The following RAB27A variants were observed in gnomAD, a reference collection of about 807,000 sequenced individuals.
The protein encoded by RAB27A is RAB27A, member RAS oncogene family.
In RAB27A, 17 loss-of-function variants were observed where a neutral mutation model predicts 20.8. That is an observed-to-expected ratio of 0.82 (90% CI 0.56 to 1.23). RAB27A has a LOEUF of 1.23. RAB27A is among the 50% of genes most tolerant of loss of function. The pLI is 0.00. For synonymous variants in RAB27A, 85 were observed against 92.8 expected (o/e 0.92, Z 0.48); for missense variants, 277 against 266.7 (o/e 1.04, Z -0.27).
intron 6 of RAB27A, among the ~76,000 whole-genome samples, chr15:55,206,924 C>T (rs968083569): frequency 6.6e-6 from 1 of 152,094 alleles, no homozygotes; most frequent in Admixed American, 6.6e-5. Context: ...TTTCATATAA[C>T]TTGCAAACGG....
At chr15:55,239,460 T>G (rs1019572751) in intron 2 of RAB27A, among the ~76,000 whole-genome samples, 1 of 152,154 alleles carries the variant, frequency 6.6e-6, no homozygotes, top group East Asian at 1.9e-4. Context: ...ATCCAAAAAT[T>G]TATCTCCACC....
Position 55,237,978 on chromosome 15 carries a change from T to C in RAB27A, c.-22-3022A>G, listed in dbSNP as rs915023647. 3 of 152,204 alleles carry C rather than the reference T, an allele frequency of 2.0e-5. No homozygotes were observed. In the East Asian group the frequency reaches 5.8e-4, roughly 29 times the overall value. 9.4% of individuals were successfully genotyped at this position (152,204 alleles called of 1,614,324 possible). A position where few individuals can be genotyped will look rare whatever the true frequency, so the allele number is the denominator to read the frequency against. On this transcript the variant is annotated intron_variant, in intron 2 of 6. Transcript: ENST00000336787. ...TTTCATTTCCATGGGTAATCACACA[T>C]GTAAGTCTACAAATGATCTTCGTGA...
intron 6 of RAB27A, among the ~76,000 whole-genome samples, chr15:55,210,426 GA>G (rs1200424713): frequency 1.4e-3 from 137 of 99,194 alleles, no homozygotes; most frequent in East Asian, 0.012. Flanking sequence ...TTTTTTTTTT[GA>G]GGGGGGGGGA....
chr15:55,271,205 T>A (rs1897695779), intron 1 of RAB27A, among the ~76,000 whole-genome samples: 1 of 152,160 alleles, frequency 6.6e-6, no homozygotes, highest in South Asian at 2.1e-4. Context: ...ATCTCCACAA[T>A]AAAATCCCTG....
intron 2 of RAB27A, among the ~76,000 whole-genome samples, chr15:55,257,890 G>A (rs1217786643): frequency 1.3e-5 from 2 of 152,064 alleles, no homozygotes; most frequent in Non-Finnish European, 2.9e-5. Context: ...CTACTCAGGA[G>A]GCTAAGGCAT....
chr15:55,214,861 C>T (rs1050412216), intron 6 of RAB27A, among the ~76,000 whole-genome samples: 6 of 151,962 alleles, frequency 3.9e-5, no homozygotes, highest in African/African-American at 1.5e-4. Flanking sequence ...GCTTGTGATG[C>T]CATTGTTACA....
chr15:55,241,137 G>A (rs1595706751), intron 2 of RAB27A, among the ~76,000 whole-genome samples: 1 of 152,240 alleles, frequency 6.6e-6, no homozygotes, highest in Non-Finnish European at 1.5e-5. Flanking sequence ...AGAAGTATAA[G>A]AAAGTACATT....
intron 2 of RAB27A, among the ~76,000 whole-genome samples, chr15:55,250,870 TA>T (rs1896863089): frequency 6.6e-6 from 1 of 152,152 alleles, no homozygotes; most frequent in Non-Finnish European, 1.5e-5. Flanking sequence ...TCTTTAGCAA[TA>T]AAACTGTTTC....
At chr15:55,301,160 C>T (rs1011525057) in intron 2 of RAB27A, among the ~76,000 whole-genome samples, 4 of 152,088 alleles carry the variant, frequency 2.6e-5, no homozygotes, top group African/African-American at 9.7e-5. Flanking sequence ...TCTAACAGGA[C>T]CCACTTTGCA....
At chr15:55,232,845 G>C (rs996270442) in intron 3 of RAB27A, among the ~76,000 whole-genome samples, 25 of 152,158 alleles carry the variant, frequency 1.6e-4, no homozygotes, top group Non-Finnish European at 2.9e-4. Flanking sequence ...CTGCAGGCTG[G>C]GAGTGATAGC....
intron 6 of RAB27A, among the ~76,000 whole-genome samples, chr15:55,218,695 A>G (rs956360175): frequency 1.3e-5 from 2 of 151,986 alleles, no homozygotes; most frequent in Non-Finnish European, 2.9e-5. Context: ...ATTTCTTTGC[A>G]CAGTACACAA....
intron 5 of RAB27A, among the ~76,000 whole-genome samples, chr15:55,224,774 A>C (rs113553802): frequency 0.017 from 2,584 of 152,344 alleles, 78 homozygotes; most frequent in African/African-American, 0.059. Flanking sequence ...CACACCCCAG[A>C]ATAAAATTAA....
At position 55,234,889 on chromosome 15, in the gene RAB27A, C is replaced by T. The variant is rs1398927780; in HGVS notation, c.46G>A (p.Gly16Arg). The change falls in exon 3 of 7, where the codon GGA becomes AGA. Residue 16 changes from glycine to arginine, a missense_variant. Gly to Arg is a moderately radical substitution (Grantham distance 125, BLOSUM62 -2). Transcript: ENST00000336787. ...CTGGTCTTCCCTACACCAGAGTCTC[C>T]CAAAGCTAAAAACTTGATGAGGTAA... ...YDYLIKFLAL[G>R]DSGVGKTSVL... 1 of 1,612,700 alleles carries T rather than the reference C, an allele frequency of 6.2e-7. No homozygotes were observed. Among genetic ancestry groups the T allele is most frequent in the Non-Finnish European group, 8.5e-7 (1 of 1,179,188 alleles).
intron 2 of RAB27A, among the ~76,000 whole-genome samples, chr15:55,265,406 A>C (rs1019800318): frequency 2.6e-5 from 4 of 152,172 alleles, no homozygotes; most frequent in African/African-American, 9.7e-5. Context: ...TAAGGACTAA[A>C]GTCAGAATGT....
intron 6 of RAB27A, among the ~76,000 whole-genome samples, chr15:55,212,142 C>T (rs1179375731): frequency 1.3e-5 from 2 of 152,054 alleles, no homozygotes; most frequent in South Asian, 2.1e-4. Flanking sequence ...GTCTTACATA[C>T]ATGATTCACT....
upstream of RAB27A, among the ~76,000 whole-genome samples, chr15:55,293,106 G>C (rs919242959): frequency 2.0e-5 from 3 of 152,146 alleles, no homozygotes; most frequent in Non-Finnish European, 2.9e-5. Flanking sequence ...GGGCTTTTCT[G>C]ACACTGCTAC....
At chr15:55,233,610 T>G (rs965148813) in intron 3 of RAB27A, among the ~76,000 whole-genome samples, 7 of 152,150 alleles carry the variant, frequency 4.6e-5, no homozygotes, top group Non-Finnish European at 1.0e-4. Context: ...TTATATGGTG[T>G]GTGCAGAAGC....
intron 2 of RAB27A, chr15:55,248,927 T>G (rs991229939): frequency 4.6e-5 from 7 of 152,140 alleles, no homozygotes; most frequent in Admixed American, 2.0e-4. Context: ...ATTCTTTAAC[T>G]GAACCAAAAA....
intron 2 of RAB27A, among the ~76,000 whole-genome samples, chr15:55,299,155 A>G (rs1390937321): frequency 6.6e-6 from 1 of 152,230 alleles, no homozygotes; most frequent in Non-Finnish European, 1.5e-5. Context: ...AATTGTCACA[A>G]TTTATGTTTA....
Sources: gnomAD v4.1 joint callset for allele counts (sites outside exome capture counted in the v4.1 genomes callset) on GRCh38, gnomAD v4.1.1 for gene constraint, MANE v1.5 for transcripts, NCBI Gene and HGNC (gene_info 2026-07-23, HGNC 2026-07-21) for gene names.